The following GALNT17 variants were observed in gnomAD, a reference collection of about 807,000 sequenced individuals.
GALNT17 encodes the protein polypeptide N-acetylgalactosaminyltransferase 17.
In GALNT17, 29 loss-of-function variants were observed where a neutral mutation model predicts 63.7. The ratio of observed to expected loss-of-function variants is 0.46; its 90% confidence interval spans 0.34 to 0.62. The LOEUF (loss-of-function observed/expected upper bound fraction) is 0.62, where lower values mean the gene tolerates loss of function less well. Ranked by LOEUF, GALNT17 falls within the 20% of genes least tolerant of loss-of-function variation. The pLI, the probability that GALNT17 is intolerant of heterozygous loss-of-function variation, is 0.01. For synonymous variants in GALNT17, 305 were observed against 318.3 expected (o/e 0.96, Z 0.45); for missense variants, 603 against 799.6 (o/e 0.75, Z 2.97).
At chr7:71,320,237 A>T (rs938734290) in intron 1 of GALNT17, among the ~76,000 whole-genome samples, 3 of 151,990 alleles carry the variant, frequency 2.0e-5, no homozygotes, top group Non-Finnish European at 4.4e-5. Context: ...GCCACCTCAG[A>T]TAATTTTTTT....
chr7:71,450,826 C>T (rs779286791), intron 5 of GALNT17, among the ~76,000 whole-genome samples: 31 of 152,198 alleles, frequency 2.0e-4, no homozygotes, highest in Non-Finnish European at 4.0e-4. Flanking sequence ...GGCTTGAGTG[C>T]TTTTCTAAGA....
intron 2 of GALNT17, among the ~76,000 whole-genome samples, chr7:71,358,004 C>T (rs1010063539): frequency 2.6e-5 from 4 of 152,166 alleles, no homozygotes; most frequent in Non-Finnish European, 4.4e-5. Context: ...GGAATAAAAG[C>T]TGGCCACCCC....
chr7:71,632,763 G>A (rs745524168), intron 6 of GALNT17, among the ~76,000 whole-genome samples: 26 of 152,158 alleles, frequency 1.7e-4, no homozygotes, highest in African/African-American at 5.8e-4. Context: ...TTTGCTCACC[G>A]TGGATTTTCT....
At chr7:71,354,361 A>G (rs1016122191) in intron 2 of GALNT17, among the ~76,000 whole-genome samples, 26 of 152,192 alleles carry the variant, frequency 1.7e-4, no homozygotes, top group Admixed American at 3.9e-4. Context: ...CTCTATGGCT[A>G]TGGTATAGTT....
chr7:71,585,353 GC>G (rs1789699291), intron 6 of GALNT17, among the ~76,000 whole-genome samples: 1 of 152,116 alleles, frequency 6.6e-6, no homozygotes, highest in African/African-American at 2.4e-5. Flanking sequence ...AATGATCACT[GC>G]CTACACCCAT....
rs368187864 is a variant in GALNT17, at chr7:71,438,885, C to T, written c.962+17780C>T. ...ACTCTGGTCGCTAATAAAAGATAGACTTTTTTTTTTTTTTTTGGAGACAAG... is the reference window on the plus strand; with the variant it reads ...ACTCTGGTCGCTAATAAAAGATAGATTTTTTTTTTTTTTTTTGGAGACAAG... On this transcript the variant is annotated intron_variant, in intron 5 of 10. Coordinates refer to ENST00000333538, the MANE Select transcript of GALNT17 (RefSeq NM_022479.3). Among the ~76,000 whole-genome samples, 30 of 138,246 alleles carry T rather than the reference C, an allele frequency of 2.2e-4. No individual in the cohort carries two copies. The East Asian group carries it at 5.9e-3, about 27-fold the overall frequency. The allele number at this position is 138,246 out of a possible 152,430, so 90.7% of individuals were successfully genotyped here. A position where few individuals can be genotyped will look rare whatever the true frequency, so the allele number is the denominator to read the frequency against.
At chr7:71,227,332 C>G (rs562079312) in intron 1 of GALNT17, among the ~76,000 whole-genome samples, 1 of 151,604 alleles carries the variant, frequency 6.6e-6, no homozygotes, top group East Asian at 2.0e-4. Context: ...CAATTGTACT[C>G]CAGCCTGGAT....
intron 2 of GALNT17, among the ~76,000 whole-genome samples, chr7:71,358,373 C>T (rs73360117): frequency 0.052 from 7,879 of 152,162 alleles, 655 homozygotes; most frequent in African/African-American, 0.17. Context: ...CCTGCCTGGG[C>T]GAGAGAGTAA....
chr7:71,340,362 C>T (rs551720228), intron 2 of GALNT17, among the ~76,000 whole-genome samples: 32 of 152,138 alleles, frequency 2.1e-4, no homozygotes, highest in Non-Finnish European at 4.7e-4. Flanking sequence ...TTCCCAGCTC[C>T]ATTACCTCTC....
chr7:71,298,765 G>A (rs1791132825), intron 1 of GALNT17, among the ~76,000 whole-genome samples: 4 of 151,846 alleles, frequency 2.6e-5, no homozygotes. Flanking sequence ...TGTGTACACA[G>A]GCTAGTGCCT....
intron 9 of GALNT17, among the ~76,000 whole-genome samples, chr7:71,700,627 T>G (rs1407050535): frequency 6.6e-6 from 1 of 152,166 alleles, no homozygotes; most frequent in Admixed American, 6.6e-5. Context: ...ACATTTCCTC[T>G]GGTCTCCAGG....
rs557616335 is a variant in GALNT17 at position 71,369,599 on chromosome 7, G to A, written c.423-18636G>A. ...AGGCAGAGGTAGGCGGATCACTTGA[G>A]TTCTAGAGTTCGAGACCAGCCTGGC... On this transcript the variant is annotated intron_variant, in intron 2 of 10. Coordinates refer to ENST00000333538, the MANE Select transcript of GALNT17 (RefSeq NM_022479.3). Among the ~76,000 whole-genome samples the A allele has an allele frequency of 6.6e-5, 10 of 152,116 alleles. No homozygotes were observed. The South Asian group carries it at 1.9e-3, about 28-fold the overall frequency.
intron 5 of GALNT17, among the ~76,000 whole-genome samples, chr7:71,445,388 G>A (rs1324777107): frequency 6.6e-6 from 1 of 151,088 alleles, no homozygotes; most frequent in African/African-American, 2.4e-5. Context: ...GTGTAGATGG[G>A]GTTTTGCCAT....
rs1218940280 is a variant in GALNT17, at chr7:71,311,251, A to G, written c.239-24299A>G. 2.0e-5 allele frequency among the ~76,000 whole-genome samples: 3 copies of G among 152,128 alleles called. No individual in the cohort carries two copies. The East Asian group carries it at 5.8e-4, about 29-fold the overall frequency. On this transcript the variant is annotated intron_variant, in intron 1 of 10. Transcript: ENST00000333538. ...TTCTCTCCTAAAGATGGGCCTGATG[A>G]GGATGCATGGTTCCCAAGGTGTGTG...
intron 3 of GALNT17, among the ~76,000 whole-genome samples, chr7:71,401,971 A>G (rs1029287504): frequency 2.0e-5 from 3 of 152,200 alleles, no homozygotes; most frequent in African/African-American, 4.8e-5. Context: ...CCTGGTGCCA[A>G]AAAGGTTGGG....
chr7:71,710,713 A>C (rs1791780038), intron 9 of GALNT17, 48 bp from the exon 10 acceptor site: 2 of 1,602,630 alleles, frequency 1.2e-6, no homozygotes, highest in Non-Finnish European at 1.7e-6. Context: ...CCCATGTCTC[A>C]CTCCTGCCTC....
At chr7:71,543,668 T>G (rs1788930238) in intron 5 of GALNT17, among the ~76,000 whole-genome samples, 1 of 149,782 alleles carries the variant, frequency 6.7e-6, no homozygotes, top group Non-Finnish European at 1.5e-5. Flanking sequence ...TTTGTTATCT[T>G]ACAAGCAGAG....
At chr7:71,294,562 G>A (rs1223469516) in intron 1 of GALNT17, among the ~76,000 whole-genome samples, 8 of 151,688 alleles carry the variant, frequency 5.3e-5, no homozygotes, top group Admixed American at 3.3e-4. Context: ...CTACAGGTGT[G>A]CACCACCATG....
At chr7:71,556,945 C>T (rs59543111) in intron 5 of GALNT17, among the ~76,000 whole-genome samples, 32 of 151,530 alleles carry the variant, frequency 2.1e-4, no homozygotes, top group Admixed American at 1.8e-3. Flanking sequence ...TTAAAGTGAC[C>T]GGTTCTTTCT....
Sources: allele counts gnomAD v4.1 joint callset (sites outside exome capture counted in the v4.1 genomes callset), GRCh38; gene constraint gnomAD v4.1.1; transcripts MANE v1.5; gene names NCBI Gene and HGNC (gene_info 2026-07-23, HGNC 2026-07-21).